Variants in NRXN3 observed in about 807,000 individuals in gnomAD.
NRXN3 encodes the protein neurexin III.
Under a neutral mutation model 137.6 loss-of-function variants are expected in NRXN3, and 32 were observed. The observed-to-expected ratio is 0.23, with a 90% CI of 0.18 to 0.31. NRXN3 has a LOEUF of 0.31. Among genes scored for constraint, NRXN3 ranks in the 10% least tolerant of loss-of-function variants. The pLI, the probability that NRXN3 is intolerant of heterozygous loss-of-function variation, is 1.00. For synonymous variants in NRXN3, 798 were observed against 784.5 expected (o/e 1.02, Z -0.29); for missense variants, 1,574 against 2,062.5 (o/e 0.76, Z 4.59).
intron 15 of NRXN3, among the ~76,000 whole-genome samples, chr14:79,441,606 T>C (rs112565123): frequency 0.022 from 3,307 of 151,852 alleles, 54 homozygotes; most frequent in Non-Finnish European, 0.032. Flanking sequence ...GGTCTCGATC[T>C]CCTGACCTCG....
In NRXN3 at chr14:79,006,214, G is replaced by A. The variant is rs559581786; in HGVS notation, c.3262+18073G>A. 6.2e-5 allele frequency among the ~76,000 whole-genome samples: 7 copies of A among 113,468 alleles called. No individual in the cohort carries two copies. The South Asian group carries it at 1.6e-3, about 25-fold the overall frequency. The allele number at this position is 113,468 out of a possible 152,430, so 74.4% of individuals were successfully genotyped here. On this transcript the variant is annotated intron_variant, in intron 15 of 20. Coordinates refer to ENST00000335750, the MANE Select transcript of NRXN3 (RefSeq NM_001330195.2). ...CAGACAACACGTGGCTGCATAAACA[G>A]ACCCTAGTGCAATGTCTGATATATA...
At chr14:79,764,161 T>G (rs2099048204) in intron 19 of NRXN3, among the ~76,000 whole-genome samples, 1 of 81,776 alleles carries the variant, frequency 1.2e-5, no homozygotes, top group Non-Finnish European at 2.5e-5. Flanking sequence ...TTTCTTTTGG[T>G]GGGTGGGGGG....
rs373553733 is a variant in NRXN3 at position 79,318,733 on chromosome 14, A to T, written c.3263-148488A>T. The stretch of plus-strand genomic sequence containing the variant: ...TTTCTATGGAACATTCTTTGGGGTC[A>T]GTTTTGAATAATCACTGGGCATTAT... On this transcript the variant is annotated intron_variant, in intron 15 of 20. Transcript: ENST00000335750. Among the ~76,000 whole-genome samples, 10 of 152,282 alleles carry T rather than the reference A, an allele frequency of 6.6e-5. 1 individual carries two copies. In the East Asian group the frequency reaches 1.2e-3, roughly 18 times the overall value.
chr14:79,149,777 G>T (rs1170788658), intron 15 of NRXN3, among the ~76,000 whole-genome samples: 1 of 152,070 alleles, frequency 6.6e-6, no homozygotes, highest in Non-Finnish European at 1.5e-5. Flanking sequence ...AATACCACAT[G>T]TTCTTACTTG....
chr14:79,257,628 G>A (rs1203174474), intron 15 of NRXN3, among the ~76,000 whole-genome samples: 1 of 140,092 alleles, frequency 7.1e-6, no homozygotes, highest in East Asian at 2.1e-4. Context: ...GATGGTATTA[G>A]GAGGTGGATG....
chr14:79,066,248 C>T (rs2152689961), intron 15 of NRXN3, among the ~76,000 whole-genome samples: 2 of 152,242 alleles, frequency 1.3e-5, no homozygotes, highest in South Asian at 4.1e-4. Flanking sequence ...ATTAGGGAAT[C>T]CTTTCCCCAT....
intron 6 of NRXN3, among the ~76,000 whole-genome samples, chr14:78,691,188 T>G (rs2152770628): frequency 6.6e-6 from 1 of 152,260 alleles, no homozygotes; most frequent in South Asian, 2.1e-4. Context: ...CTATATAAAT[T>G]TGAGTAGTAG....
chr14:79,424,508 T>A, intron 15 of NRXN3, among the ~76,000 whole-genome samples: 1 of 152,180 alleles, frequency 6.6e-6, no homozygotes, highest in East Asian at 1.9e-4. Flanking sequence ...CATATATTAT[T>A]TAAAATTCAC....
chr14:78,870,359 T>C (rs1276948066), intron 10 of NRXN3, among the ~76,000 whole-genome samples: 4 of 152,188 alleles, frequency 2.6e-5, no homozygotes, highest in Non-Finnish European at 5.9e-5. Flanking sequence ...TCCTTTGTAA[T>C]CTATAAGTTT....
chr14:79,711,430 CAT>C (rs1272539475), intron 19 of NRXN3, among the ~76,000 whole-genome samples: 1 of 151,766 alleles, frequency 6.6e-6, no homozygotes, highest in Non-Finnish European at 1.5e-5. Flanking sequence ...AATATATTCA[CAT>C]AGTTTATTTT....
At chr14:79,657,587 G>A (rs1046142685) in intron 16 of NRXN3, among the ~76,000 whole-genome samples, 1 of 152,132 alleles carries the variant, frequency 6.6e-6, no homozygotes, top group Non-Finnish European at 1.5e-5. Context: ...CCAGAGTGTA[G>A]AACAAGAAGA....
At chr14:78,674,535 T>C (rs1164059861) in intron 6 of NRXN3, among the ~76,000 whole-genome samples, 1 of 152,138 alleles carries the variant, frequency 6.6e-6, no homozygotes, top group Non-Finnish European at 1.5e-5. Context: ...TCCAGATAAT[T>C]TTGGTGGGGA....
chr14:79,165,670 T>C (rs569745191), intron 15 of NRXN3, among the ~76,000 whole-genome samples: 1 of 152,124 alleles, frequency 6.6e-6, no homozygotes, highest in African/African-American at 2.4e-5. Flanking sequence ...CTTTTCCCAG[T>C]GCAGTCATTA....
chr14:78,643,805 G>C lies in NRXN3; in HGVS notation c.758-1315G>C, dbSNP rs952810466. Among the ~76,000 whole-genome samples the C allele has an allele frequency of 2.6e-5, 4 of 152,092 alleles. No homozygotes were observed. The East Asian group carries it at 7.7e-4, about 29-fold the overall frequency. On this transcript the variant is annotated intron_variant, in intron 4 of 20. Coordinates refer to ENST00000335750, the MANE Select transcript of NRXN3 (RefSeq NM_001330195.2). ...CACATCTCTGCAAATAGTCTCCCAC[G>C]GCTACTCCTCAGACCTTGCAATATG... is the stretch of plus-strand genomic sequence containing the variant.
chr14:78,464,839 A>G (rs1260618844), intron 4 of NRXN3, among the ~76,000 whole-genome samples: 3 of 152,186 alleles, frequency 2.0e-5, no homozygotes, highest in African/African-American at 7.2e-5. Flanking sequence ...GTTTAGGGCC[A>G]TATACGTAAA....
intron 15 of NRXN3, among the ~76,000 whole-genome samples, chr14:79,187,354 A>G (rs2063659595): frequency 6.6e-6 from 1 of 152,130 alleles, no homozygotes; most frequent in Non-Finnish European, 1.5e-5. Context: ...GTTCAAATTC[A>G]TTATCTCATT....
intron 15 of NRXN3, among the ~76,000 whole-genome samples, chr14:79,374,511 CT>C (rs1257262726): frequency 6.6e-6 from 1 of 151,954 alleles, no homozygotes; most frequent in Non-Finnish European, 1.5e-5. Flanking sequence ...ACCGTAAAAT[CT>C]TTTTTTAAAA....
At chr14:78,814,847 T>C (rs2153107679) in intron 10 of NRXN3, among the ~76,000 whole-genome samples, 1 of 152,166 alleles carries the variant, frequency 6.6e-6, no homozygotes, top group East Asian at 1.9e-4. Context: ...CCCTGTGATT[T>C]CCTAGCCACT....
intron 16 of NRXN3, among the ~76,000 whole-genome samples, chr14:79,599,367 G>A (rs1161429451): frequency 6.6e-6 from 1 of 152,042 alleles, no homozygotes; most frequent in East Asian, 1.9e-4. Flanking sequence ...TATTTCTCTT[G>A]TAAGGAAAAA....
Sources: gnomAD v4.1 joint callset for allele counts (sites outside exome capture counted in the v4.1 genomes callset) on GRCh38, gnomAD v4.1.1 for gene constraint, MANE v1.5 for transcripts, NCBI Gene and HGNC (gene_info 2026-07-23, HGNC 2026-07-21) for gene names.